Variants in RNASET2 observed in about 807,000 individuals in gnomAD.
RNASET2 encodes the protein ribonuclease T2, also known as ribonuclease 6.
A neutral mutation model predicts 33.9 loss-of-function variants in RNASET2; 28 were observed. That is an observed-to-expected ratio of 0.83 (90% CI 0.61 to 1.13). The LOEUF (loss-of-function observed/expected upper bound fraction) is 1.13. Ranked by LOEUF, RNASET2 falls within the 50% of genes most tolerant of loss-of-function variation. The pLI, the probability that RNASET2 is intolerant of heterozygous loss-of-function variation, is 0.00. For synonymous variants in RNASET2, 123 were observed against 121.0 expected, an observed-to-expected ratio of 1.02 and a Z score of -0.11; for missense variants, 330 against 319.9, an observed-to-expected ratio of 1.03 and a Z score of -0.24.
chr6:166,949,500 C>CAAAAAAAAAAAAAAAAA (rs61621125), intron 2 of RNASET2, among the ~76,000 whole-genome samples: 1 of 44,398 alleles, frequency 2.3e-5, no homozygotes, highest in Admixed American at 2.9e-4. Context: ...GACTCCATCT[C>CAAAAAAAAAAAAAAAAA]AAAAAAAAAA....
Position 166,938,960 on chromosome 6 carries a change from C to T in RNASET2, c.381G>A (p.Ala127=), listed in dbSNP as rs140749759. 6.6e-5 allele frequency: 106 copies of T among 1,613,784 alleles called. No homozygotes were observed. The highest frequency in any genetic ancestry group is 1.2e-4 in the Admixed American group (7 of 60,022). Residue 127 remains alanine (A), a synonymous_variant, in exon 6 of 9, where the codon GCG becomes GCA. Transcript: ENST00000508775. ...CAAAGTACTTCTTCTGGGAGTTGAG[C>T]GCATCCACCTGGGCGGCGCAGGTCC... ...KHGTCAAQVD[A]LNSQKKYFGR...
At position 166,956,347 on chromosome 6, in the gene RNASET2, G is replaced by T. The variant is rs1018144701; in HGVS notation, c.-165C>A. 1 of 660,594 alleles carries T rather than the reference G, an allele frequency of 1.5e-6. No homozygotes were observed. Among genetic ancestry groups the T allele is most frequent in the Non-Finnish European group, 2.6e-6 (1 of 378,246 alleles). 40.9% of individuals were successfully genotyped at this position (660,594 alleles called of 1,614,324 possible). ...CCGGGTGCGCCCGGAGCCCTGGGAC[G>T]GCCTAAACCAGTATCTCGCGGGCCC... On this transcript the variant is annotated 5_prime_UTR_variant, in exon 1 of 9. Coordinates refer to ENST00000508775, the MANE Select transcript of RNASET2 (RefSeq NM_003730.6).
chr6:166,931,073 G>T lies in RNASET2; in HGVS notation c.538C>A (p.Pro180Thr). 1 of 1,612,646 alleles carries T rather than the reference G, an allele frequency of 6.2e-7. No individual in the cohort carries two copies. Among genetic ancestry groups the T allele is most frequent in the Non-Finnish European group, 8.5e-7 (1 of 1,178,644 alleles). Residue 180 changes from proline to threonine, a missense_variant, in exon 8 of 9, where the codon CCC (proline) becomes ACC (threonine). Pro to Thr is a conservative substitution (Grantham distance 38). Transcript: ENST00000508775. ...CTTGGTGGAAGGCACTGGATTTTGG[G>T]TATCACTCCATATACTCTGGCAAGG... Reference protein sequence around the residue: ...DALARVYGVIPKIQCLPPSQD... With the variant: ...DALARVYGVITKIQCLPPSQD...
intron 3 of RNASET2, among the ~76,000 whole-genome samples, chr6:166,947,619 CAG>C (rs1298260362): frequency 6.6e-6 from 1 of 152,156 alleles, no homozygotes; most frequent in Non-Finnish European, 1.5e-5. Flanking sequence ...CCAGGAGCCC[CAG>C]AGACAGGAGG....
Position 166,929,451 on chromosome 6 carries a change from G to T in RNASET2, c.*137C>A. On this transcript the variant is annotated 3_prime_UTR_variant, in exon 9 of 9. Transcript: ENST00000508775. ...ACGCCACATGCACTCACTCTACAGG[G>T]ACCACAACATCCAATTCACAGGCAT... The T allele has an allele frequency of 1.1e-6, 1 of 916,102 alleles. No homozygotes were observed. Among genetic ancestry groups the T allele is most frequent in the Non-Finnish European group, 1.8e-6 (1 of 563,992 alleles). 56.7% of individuals were successfully genotyped at this position (916,102 alleles called of 1,614,324 possible).
chr6:166,947,693 G>A (rs147070076), intron 3 of RNASET2, among the ~76,000 whole-genome samples: 1 of 152,230 alleles, frequency 6.6e-6, no homozygotes, highest in African/African-American at 2.4e-5. Context: ...CTACATCCCA[G>A]TTTAACTTGT....
Position 166,946,748 on chromosome 6 carries a change from T to C in RNASET2, c.204-9A>G. The C allele has an allele frequency of 1.3e-6, 2 of 1,545,924 alleles. No homozygotes were observed. Among genetic ancestry groups the C allele is most frequent in the Non-Finnish European group, 1.8e-6 (2 of 1,132,710 alleles). On this transcript the variant is annotated splice_polypyrimidine_tract_variant and intron_variant, in intron 3 of 8. Coordinates refer to ENST00000508775, the MANE Select transcript of RNASET2 (RefSeq NM_003730.6). ...CTTCACTTTTATCGGGCCTGGAAAT[T>C]CAAATTTAAAAGAGAAAATAAGAAA...
At position 166,922,986 on chromosome 6, in the gene RNASET2, C is replaced by T. The variant is rs912526780; in HGVS notation, c.*6602G>A. 6.6e-6 allele frequency among the ~76,000 whole-genome samples: 1 copy of T among 152,200 alleles called. No homozygotes were observed. The highest frequency in any genetic ancestry group is 2.4e-5 in the African/African-American group (1 of 41,446). On this transcript the variant is annotated 3_prime_UTR_variant, in exon 9 of 9. Transcript: ENST00000508775. The stretch of plus-strand genomic sequence containing the variant: ...GGTGATTGTGTAATTCTTGCTCCCT[C>T]AAATAAAGGGAATGTAAATGCATAA...
chr6:166,943,613 G>T, intron 4 of RNASET2: 1 of 360,690 alleles, frequency 2.8e-6, no homozygotes. Context: ...CACTGGGTGG[G>T]ACTTGCTCTC....
At chr6:166,938,808 C>A in intron 6 of RNASET2, 87 bp downstream of exon 6, 2 of 911,192 alleles carry the variant, frequency 2.2e-6, no homozygotes, top group Non-Finnish European at 3.7e-6. Flanking sequence ...GTGAGGTCTA[C>A]ACCCACTCCC....
Position 166,924,585 on chromosome 6 carries a change from C to T in RNASET2, c.*5003G>A, listed in dbSNP as rs965835131. On this transcript the variant is annotated 3_prime_UTR_variant, in exon 9 of 9. Transcript: ENST00000508775. ...CCTGCAGTTGCTGTCTCCCTTTCTT[C>T]AGGTTCCGAGGAAGCCTTCCCTGGC... Among the ~76,000 whole-genome samples the T allele has an allele frequency of 5.3e-5, 8 of 152,264 alleles. No individual in the cohort carries two copies. Among genetic ancestry groups the T allele is most frequent in the African/African-American group, 1.9e-4 (8 of 41,566 alleles).
At chr6:166,931,262 GC>G (rs2128644025) in intron 7 of RNASET2, 144 bp from the exon 8 acceptor site, 2 of 704,480 alleles carry the variant, frequency 2.8e-6, no homozygotes, top group Non-Finnish European at 2.6e-6. Flanking sequence ...TGAGAATGAT[GC>G]CCCCACCTCC....
At chr6:166,930,474 C>G (rs1270861354) in intron 8 of RNASET2, among the ~76,000 whole-genome samples, 2 of 151,492 alleles carry the variant, frequency 1.3e-5, no homozygotes, top group Non-Finnish European at 2.9e-5. Context: ...TGTACACACA[C>G]ACACACACGC....
chr6:166,951,562 C>T (rs1458014549), intron 2 of RNASET2, among the ~76,000 whole-genome samples: 2 of 152,250 alleles, frequency 1.3e-5, no homozygotes, highest in Non-Finnish European at 2.9e-5. Context: ...CTCTAGTGGC[C>T]CTGTCCGGGC....
intron 7 of RNASET2, chr6:166,932,964 C>T (rs898704522): frequency 3.9e-5 from 6 of 152,278 alleles, no homozygotes; most frequent in African/African-American, 1.4e-4. Flanking sequence ...GTCCACTGCT[C>T]CCCACACTCT....
At chr6:166,942,926 G>C (rs1029150983) in intron 5 of RNASET2, 93 bp downstream of exon 5, 3 of 992,210 alleles carry the variant, frequency 3.0e-6, no homozygotes, top group Non-Finnish European at 4.8e-6. Flanking sequence ...CTGTTATCTT[G>C]CTTCCCACAC....
intron 3 of RNASET2, chr6:166,948,347 GAA>G (rs551866456): frequency 4.1e-3 from 2,038 of 496,812 alleles, no homozygotes; most frequent in East Asian, 6.5e-3. Flanking sequence ...CTCTGTCTCA[GAA>G]AAAAAAAAAA....
At chr6:166,955,827 C>G in intron 1 of RNASET2, 1 of 912,212 alleles carries the variant, frequency 1.1e-6, no homozygotes, top group Non-Finnish European at 1.3e-6. Context: ...GTGCTCAGGA[C>G]TCCCCTCATC....
Position 166,927,787 on chromosome 6 carries a change from T to C in RNASET2, c.*1801A>G, listed in dbSNP as rs1204029123. On this transcript the variant is annotated 3_prime_UTR_variant, in exon 9 of 9. Coordinates refer to ENST00000508775, the MANE Select transcript of RNASET2 (RefSeq NM_003730.6). ...GAGGCTTAAGAGTCCAACTCTAAAG[T>C]ACACCCACTCCCTGAGGACGCAGAG... 6.8e-6 allele frequency among the ~76,000 whole-genome samples: 1 copy of C among 147,988 alleles called. No homozygotes were observed. The highest frequency in any genetic ancestry group is 1.5e-5 in the Non-Finnish European group (1 of 67,646).
Sources: gnomAD v4.1 joint callset for allele counts (sites outside exome capture counted in the v4.1 genomes callset) on GRCh38, gnomAD v4.1.1 for gene constraint, MANE v1.5 for transcripts, NCBI Gene and HGNC (gene_info 2026-07-23, HGNC 2026-07-21) for gene names.